Variants in MAP4 observed in about 807,000 individuals in gnomAD.
The protein encoded by MAP4 is microtubule associated protein 4.
Under a neutral mutation model 170.2 loss-of-function variants are expected in MAP4, and 76 were observed. The ratio of observed to expected loss-of-function variants is 0.45; its 90% CI spans 0.37 to 0.54. The LOEUF (loss-of-function observed/expected upper bound fraction) is 0.54, where lower values mean the gene tolerates loss of function less well. MAP4 is among the 20% of genes least tolerant of loss of function. The pLI, the probability that MAP4 is intolerant of heterozygous loss-of-function variation, is 0.00. For synonymous variants in MAP4, 909 were observed against 994.5 expected (o/e 0.91, Z 1.62); for missense variants, 2,506 against 2,748.0 (o/e 0.91, Z 1.97).
chr3:47,894,589 T>TA (rs1169982364), intron 10 of MAP4, among the ~76,000 whole-genome samples: 58 of 127,948 alleles, frequency 4.5e-4, no homozygotes, highest in Admixed American at 2.9e-3. Context: ...TCTCAAAAAA[T>TA]AAAAAAAAAA....
intron 1 of MAP4, among the ~76,000 whole-genome samples, chr3:48,048,575 T>C (rs2154546470): frequency 7.4e-6 from 1 of 135,952 alleles, no homozygotes; most frequent in Non-Finnish European, 1.5e-5. Flanking sequence ...TAGAGTGCAG[T>C]GGCAGCGCCA....
intron 10 of MAP4, among the ~76,000 whole-genome samples, chr3:47,884,304 A>G (rs749501447): frequency 2.6e-5 from 4 of 152,128 alleles, no homozygotes; most frequent in Non-Finnish European, 4.4e-5. Context: ...TTTAATTATT[A>G]TATTTTTCAT....
chr3:48,058,818 C>T (rs992221654), intron 1 of MAP4, among the ~76,000 whole-genome samples: 6 of 152,118 alleles, frequency 3.9e-5, no homozygotes, highest in Non-Finnish European at 8.8e-5. Context: ...CTTGCTCTGT[C>T]GCCCAGGCTG....
chr3:47,951,603 T>C (rs1033337727), intron 3 of MAP4, among the ~76,000 whole-genome samples: 14 of 151,514 alleles, frequency 9.2e-5, no homozygotes, highest in South Asian at 2.1e-4. Flanking sequence ...CCGCCAGCCT[T>C]GGCCTCCCGA....
chr3:47,995,255 T>C (rs1244204653), intron 2 of MAP4, among the ~76,000 whole-genome samples: 11 of 148,086 alleles, frequency 7.4e-5, no homozygotes, highest in Non-Finnish European at 1.0e-4. Context: ...CTTTTCTTTT[T>C]TTTTTTTTTT....
chr3:48,080,179 G>C (rs2100145924), intron 1 of MAP4, among the ~76,000 whole-genome samples: 1 of 151,936 alleles, frequency 6.6e-6, no homozygotes, highest in Non-Finnish European at 1.5e-5. Flanking sequence ...AAACTGCAGG[G>C]AGGCAGATCT....
At chr3:47,893,973 C>T (rs956762754) in intron 10 of MAP4, among the ~76,000 whole-genome samples, 1 of 151,928 alleles carries the variant, frequency 6.6e-6, no homozygotes, top group Non-Finnish European at 1.5e-5. Flanking sequence ...CTCAAGTTCC[C>T]AACAAGAGTA....
chr3:48,004,948 G>T (rs1230468250), intron 1 of MAP4, among the ~76,000 whole-genome samples: 1 of 152,094 alleles, frequency 6.6e-6, no homozygotes, highest in Non-Finnish European at 1.5e-5. Flanking sequence ...AGATAATGTT[G>T]ATTCTCCTTA....
chr3:47,935,811 T>C (rs756862040), intron 3 of MAP4, among the ~76,000 whole-genome samples: 3 of 151,104 alleles, frequency 2.0e-5, no homozygotes, highest in Non-Finnish European at 4.4e-5. Flanking sequence ...TGGTGACGTA[T>C]GTCTGTAGTC....
chr3:47,852,482 G>C lies in MAP4; in HGVS notation c.*452C>G, dbSNP rs2044393214. ...GAATCCACCTCCACTCTTCCCTCCAGGTAGATCCAGGGAGAAGGGAGGGCA... is the reference window on the plus strand; with the variant it reads ...GAATCCACCTCCACTCTTCCCTCCACGTAGATCCAGGGAGAAGGGAGGGCA... On this transcript the variant is annotated 3_prime_UTR_variant, in exon 21 of 21. Transcript: ENST00000683076. 3 of 361,024 alleles carry C rather than the reference G, an allele frequency of 8.3e-6. No individual in the cohort carries two copies. The highest frequency in any genetic ancestry group is 8.7e-5 in the Admixed American group (2 of 23,082). The allele number at this position is 361,024 out of a possible 1,614,324, so 22.4% of individuals were successfully genotyped here. A position where few individuals can be genotyped will look rare whatever the true frequency, so the allele number is the denominator to read the frequency against.
intron 10 of MAP4, among the ~76,000 whole-genome samples, chr3:47,887,414 T>C (rs1273272817): frequency 6.6e-6 from 1 of 152,168 alleles, no homozygotes; most frequent in Non-Finnish European, 1.5e-5. Context: ...CTGCGCTCGA[T>C]TTCTCACTGA....
At chr3:47,889,663 A>ACTTGTT (rs544689458) in intron 10 of MAP4, among the ~76,000 whole-genome samples, 98 of 152,328 alleles carry the variant, frequency 6.4e-4, no homozygotes, top group Non-Finnish European at 8.5e-4. Flanking sequence ...ATTAGAAAGA[A>ACTTGTT]CTTGTTCTGA....
chr3:47,970,141 C>A (rs2100077706), intron 3 of MAP4, among the ~76,000 whole-genome samples: 1 of 152,208 alleles, frequency 6.6e-6, no homozygotes, highest in South Asian at 2.1e-4. Context: ...AAAGCCCTTG[C>A]CTCAATATGG....
At chr3:48,076,975 C>G (rs2100144248) in intron 1 of MAP4, among the ~76,000 whole-genome samples, 1 of 151,644 alleles carries the variant, frequency 6.6e-6, no homozygotes, top group Non-Finnish European at 1.5e-5. Context: ...GACCCCATCT[C>G]TAATTAAAAT....
chr3:48,014,631 C>T (rs944370731), intron 1 of MAP4, among the ~76,000 whole-genome samples: 3 of 151,514 alleles, frequency 2.0e-5, no homozygotes, highest in Non-Finnish European at 1.5e-5. Flanking sequence ...TGCACTCCGG[C>T]GTGGGCAACA....
intron 1 of MAP4, among the ~76,000 whole-genome samples, chr3:48,086,936 A>G (rs1403329798): frequency 1.3e-5 from 2 of 152,202 alleles, no homozygotes. Context: ...CTGAACTACT[A>G]TGTGGGGGTT....
intron 10 of MAP4, among the ~76,000 whole-genome samples, chr3:47,896,256 G>A (rs753524892): frequency 2.0e-5 from 3 of 152,226 alleles, no homozygotes; most frequent in Non-Finnish European, 4.4e-5. Flanking sequence ...AAGGCCGGGC[G>A]CGGTGGCTCA....
chr3:48,057,286 G>GA (rs1388114503), intron 1 of MAP4, among the ~76,000 whole-genome samples: 5 of 133,604 alleles, frequency 3.7e-5, no homozygotes, highest in African/African-American at 1.4e-4. Flanking sequence ...TCTGCCTTGG[G>GA]ATCCTGTTGA....
At chr3:47,960,141 G>A (rs931798074) in intron 3 of MAP4, among the ~76,000 whole-genome samples, 1 of 152,200 alleles carries the variant, frequency 6.6e-6, no homozygotes, top group African/African-American at 2.4e-5. Context: ...GGGATTACAG[G>A]TGTGAGCCAC....
Sources: allele counts gnomAD v4.1 joint callset (sites outside exome capture counted in the v4.1 genomes callset), GRCh38; gene constraint gnomAD v4.1.1; transcripts MANE v1.5; gene names NCBI Gene and HGNC (gene_info 2026-07-23, HGNC 2026-07-21).